MME: variants seen among roughly 807,000 people sequenced by gnomAD.
MME encodes neprilysin.
Under a neutral mutation model 113.2 loss-of-function variants are expected in MME, and 98 were observed. The observed-to-expected ratio is 0.87, with a 90% CI of 0.74 to 1.02. The LOEUF is 1.02. Among genes scored for constraint, MME ranks in the 50% least tolerant of loss-of-function variants. The probability of loss-of-function intolerance (pLI) is 0.00; values close to 1 mark genes in which losing one functional copy is unlikely to be tolerated. For synonymous variants in MME, 292 were observed against 300.6 expected (o/e 0.97, Z 0.30); for missense variants, 836 against 896.0 (o/e 0.93, Z 0.86).
At chr3:155,063,668 ATATATTATATTATATTATAT>A (rs59175839) in intron 1 of MME, among the ~76,000 whole-genome samples, 28 of 111,374 alleles carry the variant, frequency 2.5e-4, no homozygotes, top group African/African-American at 4.9e-4. Flanking sequence ...ATAACATATT[ATATATTATATTATATTATAT>A]TATATTATAT....
chr3:155,132,753 T>A (rs114619253), intron 8 of MME, among the ~76,000 whole-genome samples: 2,276 of 152,050 alleles, frequency 0.015, 35 homozygotes, highest in African/African-American at 0.044. Context: ...ACTTTTTAAG[T>A]GTTAAAATAC....
At chr3:155,114,815 G>A (rs530995983) in intron 3 of MME, among the ~76,000 whole-genome samples, 179 bp from the exon 4 acceptor site, 1 of 152,268 alleles carries the variant, frequency 6.6e-6, no homozygotes, top group African/African-American at 2.4e-5. Context: ...TATAGTGAAG[G>A]AAAAGAGAAC....
Position 155,183,150 on chromosome 3 carries a change from G to C in MME, c.*2691G>C, listed in dbSNP as rs549706163. The C allele has an allele frequency of 3.9e-4, 59 of 152,324 alleles. No homozygotes were observed. Among genetic ancestry groups the C allele is most frequent in the African/African-American group, 1.4e-3 (57 of 41,560 alleles). The allele number at this position is 152,324 out of a possible 1,614,324, so 9.4% of individuals were successfully genotyped here. Reference sequence around the variant, plus strand: ...CCATGCTGCAGTGTTCGAGTGGATTGTAGGTGCAAGATGGAAAGGATTGTA... The same window carrying C: ...CCATGCTGCAGTGTTCGAGTGGATTCTAGGTGCAAGATGGAAAGGATTGTA... On this transcript the variant is annotated 3_prime_UTR_variant, in exon 23 of 23. Coordinates refer to ENST00000360490, the MANE Select transcript of MME (RefSeq NM_007289.4).
chr3:155,169,287 T>C (rs753406908), intron 20 of MME, among the ~76,000 whole-genome samples: 2 of 152,094 alleles, frequency 1.3e-5, no homozygotes, highest in Non-Finnish European at 2.9e-5. Flanking sequence ...GGGACTGACG[T>C]GATATGGTTC....
At chr3:155,109,171 C>G (rs1182273884) in intron 3 of MME, among the ~76,000 whole-genome samples, 1 of 150,932 alleles carries the variant, frequency 6.6e-6, no homozygotes, top group Non-Finnish European at 1.5e-5. Flanking sequence ...ACTCCAAAAC[C>G]AGGCCTGTTG....
intron 20 of MME, among the ~76,000 whole-genome samples, chr3:155,171,671 A>G (rs974777597): frequency 1.3e-5 from 2 of 152,176 alleles, no homozygotes; most frequent in Non-Finnish European, 2.9e-5. Context: ...GAATCCTTTG[A>G]CTTGGCAAGA....
chr3:155,169,910 T>A (rs1711719245), intron 20 of MME, among the ~76,000 whole-genome samples: 1 of 152,128 alleles, frequency 6.6e-6, no homozygotes, highest in South Asian at 2.1e-4. Flanking sequence ...CCAAAGATGA[T>A]CAGAGTGTGA....
chr3:155,136,173 T>C (rs954492229), intron 8 of MME, among the ~76,000 whole-genome samples: 1 of 152,146 alleles, frequency 6.6e-6, no homozygotes, highest in East Asian at 1.9e-4. Context: ...GGACTTCCAG[T>C]ACTGTGCTGA....
chr3:155,078,659 ATG>A (rs5853711), upstream of MME, among the ~76,000 whole-genome samples: 10,272 of 141,400 alleles, frequency 0.073, 850 homozygotes, highest in African/African-American at 0.21. Flanking sequence ...ATGTGTGTGT[ATG>A]TGTGTGTGTG....
chr3:155,111,629 T>G (rs941480050), intron 3 of MME, among the ~76,000 whole-genome samples: 2 of 152,032 alleles, frequency 1.3e-5, no homozygotes, highest in African/African-American at 4.8e-5. Flanking sequence ...TTATTCAGAG[T>G]GTTTAAGGAC....
chr3:155,113,101 C>T (rs1447886997), intron 3 of MME, among the ~76,000 whole-genome samples: 2 of 151,954 alleles, frequency 1.3e-5, no homozygotes, highest in African/African-American at 2.4e-5. Flanking sequence ...CAGGGGCAAT[C>T]AAAGCTGTGG....
At chr3:155,048,284 A>G (rs1713635072) in intron 1 of MME, among the ~76,000 whole-genome samples, 1 of 152,186 alleles carries the variant, frequency 6.6e-6, no homozygotes, top group Non-Finnish European at 1.5e-5. Context: ...GCCTGCTCTT[A>G]GAGCAGAGTC....
chr3:155,030,114 C>T (rs940900286), intron 1 of MME, among the ~76,000 whole-genome samples: 1 of 152,040 alleles, frequency 6.6e-6, no homozygotes, highest in Non-Finnish European at 1.5e-5. Context: ...ATCTAAACGC[C>T]ATTATTTGTT....
chr3:155,079,245 A>G (rs1714900510), upstream of MME, among the ~76,000 whole-genome samples: 1 of 152,034 alleles, frequency 6.6e-6, no homozygotes, highest in East Asian at 1.9e-4. Flanking sequence ...ATTTAAATGA[A>G]GAAGGAAGGA....
chr3:155,142,348 C>T lies in MME; in HGVS notation c.1188+18C>T. The T allele has an allele frequency of 6.3e-7, 1 of 1,586,970 alleles. No individual in the cohort carries two copies. Among genetic ancestry groups the T allele is most frequent in the Non-Finnish European group, 8.7e-7 (1 of 1,155,578 alleles). Reference sequence around the variant, plus strand: ...TCCGCAAGGTGAAGAAAAAATCTCTCTTTTCTTAAGACTTAAAGCATAAAG... The same window carrying T: ...TCCGCAAGGTGAAGAAAAAATCTCTTTTTTCTTAAGACTTAAAGCATAAAG... On this transcript the variant is annotated intron_variant, in intron 12 of 22. Coordinates refer to ENST00000360490, the MANE Select transcript of MME (RefSeq NM_007289.4).
At chr3:155,028,830 G>A (rs1047306929) in intron 1 of MME, among the ~76,000 whole-genome samples, 1 of 151,932 alleles carries the variant, frequency 6.6e-6, no homozygotes, top group African/African-American at 2.4e-5. Context: ...GACTTCTAGG[G>A]GTTTCTTTTT....
chr3:155,175,254 T>G (rs973201100), intron 22 of MME, among the ~76,000 whole-genome samples: 7 of 151,896 alleles, frequency 4.6e-5, no homozygotes, highest in African/African-American at 1.4e-4. Flanking sequence ...TTATTTTGGG[T>G]TTTTATTAGG....
At chr3:155,125,678 C>T (rs1349857383) in intron 8 of MME, among the ~76,000 whole-genome samples, 1 of 151,800 alleles carries the variant, frequency 6.6e-6, no homozygotes, top group African/African-American at 2.4e-5. Flanking sequence ...CCAGTGTGGT[C>T]TCGAACTCCT....
intron 1 of MME, among the ~76,000 whole-genome samples, chr3:155,055,927 C>T (rs535625421): frequency 6.6e-6 from 1 of 152,166 alleles, no homozygotes; most frequent in South Asian, 2.1e-4. Flanking sequence ...CTTTAATTTA[C>T]TCCTTCAGGT....
Sources: gnomAD v4.1 joint callset for allele counts (sites outside exome capture counted in the v4.1 genomes callset) on GRCh38, gnomAD v4.1.1 for gene constraint, MANE v1.5 for transcripts, NCBI Gene and HGNC (gene_info 2026-07-23, HGNC 2026-07-21) for gene names.